The following EPHA7 variants were observed in gnomAD, a reference collection of about 807,000 sequenced individuals.
EPHA7 encodes ephrin type-A receptor 7.
Under a neutral mutation model 112.6 loss-of-function variants are expected in EPHA7, and 25 were observed. The observed-to-expected ratio is 0.22, with a 90% CI of 0.16 to 0.31. The LOEUF (loss-of-function observed/expected upper bound fraction) is 0.31, where lower values mean the gene tolerates loss of function less well. Ranked by LOEUF, EPHA7 falls within the 10% of genes least tolerant of loss-of-function variation. The pLI, the probability that EPHA7 is intolerant of heterozygous loss-of-function variation, is 1.00. For missense variants in EPHA7, 962 were observed against 1,212.6 expected (o/e 0.79, Z 3.07); for synonymous variants, 437 against 406.5 (o/e 1.07, Z -0.90).
rs537986810 is a variant in EPHA7 at position 93,274,865 on chromosome 6, A to G, written c.1325-2443T>C. Among the ~76,000 whole-genome samples the G allele has an allele frequency of 9.9e-5, 15 of 152,042 alleles. No homozygotes were observed. The South Asian group carries it at 2.9e-3, about 29-fold the overall frequency. On this transcript the variant is annotated intron_variant, in intron 5 of 16. Coordinates refer to ENST00000369303, the MANE Select transcript of EPHA7 (RefSeq NM_004440.4). ...ACAACTCACAGGATATACAGCTTATAAACAAAAACATCTCTAGCCTAGTTA... is the reference window on the plus strand; with the variant it reads ...ACAACTCACAGGATATACAGCTTATGAACAAAAACATCTCTAGCCTAGTTA...
At chr6:93,317,792 A>T (rs1773883726) in intron 5 of EPHA7, among the ~76,000 whole-genome samples, 1 of 152,158 alleles carries the variant, frequency 6.6e-6, no homozygotes, top group Non-Finnish European at 1.5e-5. Context: ...ACAATATGTG[A>T]AGCTGGCTCC....
chr6:93,348,432 A>G (rs1034255173), intron 5 of EPHA7, among the ~76,000 whole-genome samples: 1 of 151,884 alleles, frequency 6.6e-6, no homozygotes, highest in Non-Finnish European at 1.5e-5. Context: ...CTGTGCTTCT[A>G]CATATTCAAT....
At chr6:93,254,557 G>A in intron 14 of EPHA7, 90 bp downstream of exon 14, 1 of 969,556 alleles carries the variant, frequency 1.0e-6, no homozygotes, top group Non-Finnish European at 1.5e-6. Flanking sequence ...TTATTTAAAA[G>A]TGTTCTTAAT....
intron 3 of EPHA7, among the ~76,000 whole-genome samples, chr6:93,383,198 T>TATATATAC: frequency 6.6e-6 from 1 of 151,948 alleles, no homozygotes; most frequent in Admixed American, 6.6e-5. Context: ...TGTGTGTGTA[T>TATATATAC]ATATATACAT....
chr6:93,393,840 T>C (rs928921972), intron 3 of EPHA7, among the ~76,000 whole-genome samples: 1 of 151,798 alleles, frequency 6.6e-6, no homozygotes, highest in Non-Finnish European at 1.5e-5. Flanking sequence ...TTCCCCTCTT[T>C]TATGGAAACT....
chr6:93,379,714 A>G (rs1278384631), intron 3 of EPHA7, among the ~76,000 whole-genome samples: 2 of 152,060 alleles, frequency 1.3e-5, no homozygotes, highest in Non-Finnish European at 2.9e-5. Flanking sequence ...TCACTAAAAT[A>G]ACAATAAAGG....
chr6:93,400,348 T>C (rs563300), intron 3 of EPHA7, among the ~76,000 whole-genome samples: 18,742 of 152,040 alleles, frequency 0.12, 1,614 homozygotes, highest in African/African-American at 0.24. Context: ...ACTGGAAATA[T>C]AGAATTGCAC....
At chr6:93,380,638 C>G (rs1165291072) in intron 3 of EPHA7, among the ~76,000 whole-genome samples, 1 of 151,920 alleles carries the variant, frequency 6.6e-6, no homozygotes. Flanking sequence ...CAGCAAATAG[C>G]TAAGGGAATG....
intron 16 of EPHA7, 53 bp from the exon 17 acceptor site, chr6:93,243,593 G>T: frequency 2.5e-6 from 3 of 1,195,388 alleles, no homozygotes; most frequent in South Asian, 1.2e-5. Context: ...AATAAATGTG[G>T]CACTAAACTG....
intron 5 of EPHA7, among the ~76,000 whole-genome samples, chr6:93,278,451 A>G (rs1436197569): frequency 6.6e-6 from 1 of 152,132 alleles, no homozygotes; most frequent in Admixed American, 6.6e-5. Flanking sequence ...GAATAACTCA[A>G]TAATGACCTA....
intron 5 of EPHA7, among the ~76,000 whole-genome samples, chr6:93,287,559 G>T (rs1325680654): frequency 6.6e-6 from 1 of 151,042 alleles, no homozygotes; most frequent in Non-Finnish European, 1.5e-5. Context: ...TTTAGTTCAA[G>T]GGTACCTGTG....
chr6:93,349,476 G>A (rs995871315), intron 5 of EPHA7, among the ~76,000 whole-genome samples: 1 of 151,748 alleles, frequency 6.6e-6, no homozygotes, highest in African/African-American at 2.4e-5. Context: ...AAATTTATTC[G>A]ATTGATTCTC....
At chr6:93,264,474 T>C (rs1770834016) in intron 8 of EPHA7, 120 bp downstream of exon 8, 1 of 553,916 alleles carries the variant, frequency 1.8e-6, no homozygotes, top group Non-Finnish European at 3.1e-6. Context: ...CTTTAATGTT[T>C]TATATCAAAG....
At chr6:93,271,493 T>C (rs1022850937) in intron 6 of EPHA7, among the ~76,000 whole-genome samples, 13 of 151,898 alleles carry the variant, frequency 8.6e-5, no homozygotes, top group Non-Finnish European at 1.8e-4. Context: ...CTGTTGGTAA[T>C]AGCAATGGTT....
At chr6:93,414,835 G>T in intron 1 of EPHA7, 68 bp from the exon 2 acceptor site, 1 of 1,267,800 alleles carries the variant, frequency 7.9e-7, no homozygotes, top group Non-Finnish European at 1.1e-6. Context: ...ACATTTTTAA[G>T]GTGAATCTTT....
At chr6:93,323,253 C>T (rs1223747791) in intron 5 of EPHA7, among the ~76,000 whole-genome samples, 3 of 151,526 alleles carry the variant, frequency 2.0e-5, no homozygotes, top group African/African-American at 7.2e-5. Context: ...CACATGATTC[C>T]TTGCTAAGCT....
intron 5 of EPHA7, among the ~76,000 whole-genome samples, chr6:93,290,274 A>G (rs1772292991): frequency 6.6e-6 from 1 of 152,146 alleles, no homozygotes; most frequent in Admixed American, 6.5e-5. Flanking sequence ...GAATTCCATA[A>G]TATGATAACT....
intron 5 of EPHA7, among the ~76,000 whole-genome samples, chr6:93,327,813 A>T (rs1388580551): frequency 6.6e-6 from 1 of 151,478 alleles, no homozygotes; most frequent in Non-Finnish European, 1.5e-5. Context: ...TGCTCCTGAG[A>T]ACCCCTCTTA....
chr6:93,282,013 A>T (rs189009275), intron 5 of EPHA7, among the ~76,000 whole-genome samples: 1 of 152,036 alleles, frequency 6.6e-6, no homozygotes, highest in African/African-American at 2.4e-5. Flanking sequence ...ATATGTCACT[A>T]TGTGCTTAAG....
Sources: gnomAD v4.1 joint callset for allele counts (sites outside exome capture counted in the v4.1 genomes callset) on GRCh38, gnomAD v4.1.1 for gene constraint, MANE v1.5 for transcripts, NCBI Gene and HGNC (gene_info 2026-07-23, HGNC 2026-07-21) for gene names.